The following DENND2D variants were observed in gnomAD, a reference collection of about 807,000 sequenced individuals.
DENND2D encodes the protein DENN domain containing 2D.
DENND2D carries 37 observed loss-of-function variants against 59.8 expected under a neutral mutation model. The observed-to-expected ratio is 0.62, with a 90% CI of 0.48 to 0.81. DENND2D has a LOEUF of 0.81. Ranked by LOEUF, DENND2D falls within the 40% of genes least tolerant of loss-of-function variation. DENND2D has a pLI of 0.00. For synonymous variants in DENND2D, 219 were observed against 211.3 expected, an observed-to-expected ratio of 1.04 and a Z score of -0.31; for missense variants, 525 against 579.7, an observed-to-expected ratio of 0.91 and a Z score of 0.97.
In DENND2D at chr1:111,194,041, G is replaced by A. The variant is rs550468480; in HGVS notation, c.794+537C>T. 1.5e-4 allele frequency among the ~76,000 whole-genome samples: 23 copies of A among 152,246 alleles called. No homozygotes were observed. The South Asian group carries it at 3.7e-3, about 25-fold the overall frequency. On this transcript the variant is annotated intron_variant, in intron 7 of 11. Transcript: ENST00000357640. ...AAGAAGTTAACAAACTAACTTAATGGGAACCTCATAGCTAAAGGTAGAAGA... is the reference window on the plus strand; with the variant it reads ...AAGAAGTTAACAAACTAACTTAATGAGAACCTCATAGCTAAAGGTAGAAGA...
chr1:111,199,968 T>G, intron 1 of DENND2D, 170 bp from the exon 2 acceptor site: 2 of 777,116 alleles, frequency 2.6e-6, no homozygotes, highest in Non-Finnish European at 4.0e-6. Context: ...AATGGGCAGT[T>G]TCCACACCTG....
In DENND2D at chr1:111,196,848, G is replaced by A. The variant is rs770873979; in HGVS notation, c.504+328C>T. The A allele has an allele frequency of 2.7e-5, 8 of 299,004 alleles. No homozygotes were observed. In the Admixed American group the frequency reaches 3.2e-4, roughly 12 times the overall value. The allele number at this position is 299,004 out of a possible 1,614,324, so 18.5% of individuals were successfully genotyped here. A position where few individuals can be genotyped will look rare whatever the true frequency, so the allele number is the denominator to read the frequency against. On this transcript the variant is annotated intron_variant, in intron 5 of 11. Transcript: ENST00000357640. ...AGCCTCACGCCACCCAGTGAGATAG[G>A]AAGGTGAGATTATTATATCCATTCG...
At chr1:111,192,393 CA>C in intron 7 of DENND2D, 76 bp from the exon 8 acceptor site, 1 of 1,413,406 alleles carries the variant, frequency 7.1e-7, no homozygotes, top group Non-Finnish European at 9.4e-7. Context: ...CGCCCACCAC[CA>C]ACAGCAGCTA....
At chr1:111,190,721 A>C (rs1362799055) in intron 8 of DENND2D, among the ~76,000 whole-genome samples, 2 of 152,192 alleles carry the variant, frequency 1.3e-5, no homozygotes, top group Non-Finnish European at 2.9e-5. Context: ...CTTGATAGAG[A>C]GAATGATCCC....
At chr1:111,189,305 C>G in intron 8 of DENND2D, 52 bp from the exon 9 acceptor site, 1 of 1,602,486 alleles carries the variant, frequency 6.2e-7, no homozygotes, top group Non-Finnish European at 8.5e-7. Context: ...CATAGACCCC[C>G]AGAGGATTTA....
At position 111,187,500 on chromosome 1, in the gene DENND2D, G is replaced by A. The variant is rs1043964497; in HGVS notation, c.*105C>T. 7.0e-6 allele frequency: 6 copies of A among 853,580 alleles called. No homozygotes were observed. In the African/African-American group the frequency reaches 1.0e-4, roughly 14 times the overall value. 52.9% of individuals were successfully genotyped at this position (853,580 alleles called of 1,614,324 possible). A position where few individuals can be genotyped will look rare whatever the true frequency, so the allele number is the denominator to read the frequency against. ...CCTGGATACCAAGACTCAGAGTGAGGATATGGATTTTGGGAGCTGACAGTT... is the reference window on the plus strand; with the variant it reads ...CCTGGATACCAAGACTCAGAGTGAGAATATGGATTTTGGGAGCTGACAGTT... On this transcript the variant is annotated 3_prime_UTR_variant, in exon 12 of 12. Coordinates refer to ENST00000357640, the MANE Select transcript of DENND2D (RefSeq NM_024901.5).
intron 7 of DENND2D, 50 bp from the exon 8 acceptor site, chr1:111,192,367 G>T: frequency 6.7e-7 from 1 of 1,493,722 alleles, no homozygotes; most frequent in Non-Finnish European, 9.0e-7. Context: ...GCACCACCAT[G>T]CTACACACCC....
At chr1:111,197,716 C>A (rs943124702) in intron 4 of DENND2D, 98 of 1,421,164 alleles carry the variant, frequency 6.9e-5, no homozygotes, top group Non-Finnish European at 8.9e-5. Context: ...CAGAGCCTGA[C>A]CAGCAGCGGG....
chr1:111,199,506 G>C, intron 2 of DENND2D, 117 bp downstream of exon 2: 1 of 1,181,306 alleles, frequency 8.5e-7, no homozygotes, highest in Non-Finnish European at 1.2e-6. Flanking sequence ...TCAGAGCTCA[G>C]GGCAGCTCCA....
chr1:111,189,081 T>C, intron 9 of DENND2D, 131 bp downstream of exon 9: 1 of 1,038,060 alleles, frequency 9.6e-7, no homozygotes, highest in Non-Finnish European at 1.4e-6. Flanking sequence ...TTGAGAGAGA[T>C]GTGGTCTTTT....
chr1:111,197,962 A>T lies in DENND2D; in HGVS notation c.384T>A (p.Asn128Lys). 1 of 1,614,116 alleles carries T rather than the reference A, an allele frequency of 6.2e-7. No individual in the cohort carries two copies. Among genetic ancestry groups the T allele is most frequent in the Non-Finnish European group, 8.5e-7 (1 of 1,180,020 alleles). The change falls in exon 4 of 12, where the codon AAT becomes AAA. Residue 128 changes from asparagine (N) to lysine (K), a missense_variant. Physicochemically the swap from Asn to Lys is moderately conservative, Grantham distance 94. Around this residue, in one of 3 missense-constraint regions of DENND2D, gnomAD observed 253 missense variants for 246.4 expected, o/e 1.03. Transcript: ENST00000357640. The stretch of plus-strand genomic sequence containing the variant: ...ATCCAATCTTTCTGCTCCCATCCAC[A>T]TTGGTCAGAACGAAGGAGAAGGTCT... ...PRETFSFVLT[N>K]VDGSRKIGYC... is the part of the protein sequence containing the mutation.
chr1:111,202,694 G>GACACAC (rs1216576531), upstream of DENND2D, among the ~76,000 whole-genome samples: 1 of 23,622 alleles, frequency 4.2e-5, no homozygotes, highest in Non-Finnish European at 7.0e-5. Flanking sequence ...TTGTCACCAG[G>GACACAC]ATACACACAC....
intron 8 of DENND2D, among the ~76,000 whole-genome samples, chr1:111,189,862 A>G (rs915901829): frequency 6.6e-6 from 1 of 152,058 alleles, no homozygotes; most frequent in African/African-American, 2.4e-5. Flanking sequence ...CTTATGTACA[A>G]TTTTCTATTA....
chr1:111,202,648 G>A (rs1248372192), upstream of DENND2D, among the ~76,000 whole-genome samples: 3 of 149,750 alleles, frequency 2.0e-5, no homozygotes, highest in Non-Finnish European at 4.4e-5. Flanking sequence ...TTCCAGCTCA[G>A]CTGCTCTCAA....
chr1:111,200,091 C>T (rs1006306064), intron 1 of DENND2D: 13 of 583,372 alleles, frequency 2.2e-5, no homozygotes, highest in Non-Finnish European at 3.6e-5. Flanking sequence ...CAGGGTACCA[C>T]AGAGACTGCC....
intron 8 of DENND2D, 147 bp downstream of exon 8, chr1:111,191,991 ACT>A (rs1657818416): frequency 2.7e-6 from 2 of 753,448 alleles, no homozygotes. Context: ...GGAAGTGAAC[ACT>A]GTTATCCCCA....
At chr1:111,189,460 G>A (rs1297282298) in intron 8 of DENND2D, 6 of 590,536 alleles carry the variant, frequency 1.0e-5, no homozygotes, top group Non-Finnish European at 1.5e-5. Flanking sequence ...GAAAGGGTGT[G>A]GGTGTTTGTA....
At chr1:111,191,019 T>G (rs1213348332) in intron 8 of DENND2D, among the ~76,000 whole-genome samples, 1 of 152,140 alleles carries the variant, frequency 6.6e-6, no homozygotes, top group Non-Finnish European at 1.5e-5. Context: ...AAAGCCAGAG[T>G]CTGACTGGCC....
Position 111,188,211 on chromosome 1 carries a change from C to T in DENND2D, c.1259G>A (p.Arg420Gln), listed in dbSNP as rs201272881. The change falls in exon 11 of 12, where the codon CGA becomes CAA. Residue 420 changes from arginine (R) to glutamine (Q), a missense_variant. By Grantham distance (43) the Arg-to-Gln change is conservative. Coordinates refer to ENST00000357640, the MANE Select transcript of DENND2D (RefSeq NM_024901.5). ...TGTCTTCACAAACTTCTTCACAAAT[C>T]GGCGGTTGGTCTTGGAGGTCAGAGC... ...CKALTSKTNR[R>Q]FVKKFVKTQL... 98 of 1,613,990 alleles carry T rather than the reference C, an allele frequency of 6.1e-5. No homozygotes were observed. In the African/African-American group the frequency reaches 6.8e-4, roughly 11 times the overall value.
Sources: gnomAD v4.1 joint callset for allele counts (sites outside exome capture counted in the v4.1 genomes callset) on GRCh38, gnomAD v4.1.1 for gene constraint, gnomAD v4.1.1 regional missense constraint, MANE v1.5 for transcripts, NCBI Gene and HGNC (gene_info 2026-07-23, HGNC 2026-07-21) for gene names.